SOX5: variants seen among roughly 807,000 people sequenced by gnomAD.
SOX5 encodes SRY-box transcription factor 5.
Under a neutral mutation model 92.0 loss-of-function variants are expected in SOX5, and 9 were observed. That is an observed-to-expected ratio of 0.10 (90% CI 0.06 to 0.17). The LOEUF (loss-of-function observed/expected upper bound fraction) is 0.17. Among genes scored for constraint, SOX5 ranks in the 10% least tolerant of loss-of-function variants. The pLI, the probability that SOX5 is intolerant of heterozygous loss-of-function variation, is 1.00. For synonymous variants in SOX5, 344 were observed against 336.3 expected, an observed-to-expected ratio of 1.02 and a Z score of -0.25; for missense variants, 642 against 944.5, an observed-to-expected ratio of 0.68 and a Z score of 4.20.
chr12:24,300,521 T>C lies in SOX5; in HGVS notation c.-173-23209A>G, dbSNP rs569697841. On this transcript the variant is annotated intron_variant, in intron 2 of 4. Transcript: ENST00000446891. ...ACTAAGCAACATATCCACTGAGCGG[T>C]ATAACAGACCACTGAAATTGTTGTA... is the stretch of plus-strand genomic sequence containing the variant. Among the ~76,000 whole-genome samples the C allele has an allele frequency of 5.9e-5, 9 of 152,320 alleles. No individual in the cohort carries two copies. In the East Asian group the frequency reaches 1.7e-3, roughly 29 times the overall value.
intron 3 of SOX5, 146 bp downstream of exon 3, chr12:23,845,837 A>G: frequency 1.5e-6 from 1 of 653,780 alleles, no homozygotes; most frequent in Admixed American, 2.7e-5. Context: ...TCTGAAAAAA[A>G]TATACCAACC....
chr12:23,886,317 C>A (rs2097064526), intron 2 of SOX5, among the ~76,000 whole-genome samples: 1 of 152,044 alleles, frequency 6.6e-6, no homozygotes. Context: ...TTCTTAAGAT[C>A]CAAATGAAGT....
At chr12:24,115,879 A>C (rs993842172) in intron 4 of SOX5, among the ~76,000 whole-genome samples, 1 of 152,162 alleles carries the variant, frequency 6.6e-6, no homozygotes, top group Non-Finnish European at 1.5e-5. Flanking sequence ...GAGATTGTTA[A>C]TATAAAAGTA....
intron 2 of SOX5, among the ~76,000 whole-genome samples, chr12:23,851,722 C>T (rs188004919): frequency 2.0e-5 from 3 of 151,490 alleles, no homozygotes; most frequent in African/African-American, 2.4e-5. Flanking sequence ...AGTAGTTCAC[C>T]GAGAGAGAGA....
intron 4 of SOX5, among the ~76,000 whole-genome samples, chr12:24,181,364 A>C (rs1309592125): frequency 6.6e-6 from 1 of 152,172 alleles, no homozygotes; most frequent in Non-Finnish European, 1.5e-5. Context: ...ATCCTGCCTC[A>C]ATTTGCATTC....
chr12:23,605,601 C>T (rs1372457275), intron 8 of SOX5, among the ~76,000 whole-genome samples: 1 of 151,610 alleles, frequency 6.6e-6, no homozygotes, highest in Non-Finnish European at 1.5e-5. Context: ...AGAAAAAATG[C>T]TCTCAAGGAG....
chr12:23,915,056 A>G (rs1321713889), intron 1 of SOX5, among the ~76,000 whole-genome samples: 1 of 152,180 alleles, frequency 6.6e-6, no homozygotes, highest in East Asian at 1.9e-4. Context: ...ACTGAGTCTT[A>G]GCTATGTTCT....
intron 2 of SOX5, among the ~76,000 whole-genome samples, chr12:24,357,855 G>A (rs117394530): frequency 0.023 from 2,222 of 98,528 alleles, 79 homozygotes; most frequent in South Asian, 0.091. Flanking sequence ...AAAAAAAAAA[G>A]AAAGAAGAAA....
chr12:23,828,730 G>T (rs1433802816), intron 3 of SOX5, among the ~76,000 whole-genome samples: 1 of 148,192 alleles, frequency 6.7e-6, no homozygotes, highest in African/African-American at 2.5e-5. Flanking sequence ...ATGAATAGAA[G>T]TTGCTTTTCA....
intron 1 of SOX5, among the ~76,000 whole-genome samples, chr12:23,941,687 T>C (rs1298831062): frequency 6.6e-6 from 1 of 151,534 alleles, no homozygotes; most frequent in Non-Finnish European, 1.5e-5. Flanking sequence ...AATCTGAATC[T>C]GATATTTTAT....
At position 23,530,631 on chromosome 12, in the gene SOX5, G is replaced by GGTAA. The variant is rs1357737467; in HGVS notation, c.*3584_*3587dup. ...ATAGTTTTATATTTTATCCAATTGT[G>GGTAA]GTAAGTTAATCACTAACTTATTATT... On this transcript the variant is annotated 3_prime_UTR_variant, in exon 15 of 15. Coordinates refer to ENST00000451604, the MANE Select transcript of SOX5 (RefSeq NM_006940.6). 2 of 152,008 alleles carry GGTAA rather than the reference G, an allele frequency of 1.3e-5. No homozygotes were observed. The highest frequency in any genetic ancestry group is 3.9e-4 in the East Asian group (2 of 5,174). 9.4% of individuals were successfully genotyped at this position (152,008 alleles called of 1,614,324 possible).
Position 23,987,685 on chromosome 12 carries a change from A to T in SOX5, c.-1-91661T>A, listed in dbSNP as rs7485977. 2.0e-5 allele frequency among the ~76,000 whole-genome samples: 3 copies of T among 152,106 alleles called. No homozygotes were observed. In the East Asian group the frequency reaches 5.8e-4, roughly 29 times the overall value. ...CTGTGTGCCTATAGTCCCAGCTACG[A>T]GGGAGGCTTAGGCTTGAGGATCTCT... On this transcript the variant is annotated intron_variant, in intron 4 of 4. Transcript: ENST00000446891.
intron 4 of SOX5, among the ~76,000 whole-genome samples, chr12:23,752,827 C>A (rs567266681): frequency 1.1e-4 from 16 of 152,006 alleles, no homozygotes; most frequent in African/African-American, 3.6e-4. Flanking sequence ...CATATATTGA[C>A]TGTTGTTGGC....
At chr12:23,809,815 TC>T (rs1028403943) in intron 3 of SOX5, among the ~76,000 whole-genome samples, 1 of 149,336 alleles carries the variant, frequency 6.7e-6, no homozygotes, top group African/African-American at 2.5e-5. Context: ...TTTAATAGAC[TC>T]CAATTGATAA....
intron 4 of SOX5, among the ~76,000 whole-genome samples, chr12:24,075,924 G>A (rs938668965): frequency 2.0e-5 from 3 of 152,152 alleles, no homozygotes; most frequent in African/African-American, 7.2e-5. Context: ...AAAGAGAAAT[G>A]GAGTTAGCAA....
intron 1 of SOX5, among the ~76,000 whole-genome samples, chr12:24,492,023 G>A (rs1382355786): frequency 1.3e-5 from 2 of 151,996 alleles, no homozygotes; most frequent in Non-Finnish European, 2.9e-5. Flanking sequence ...GTTAAAGCAA[G>A]AGCTACAAGC....
chr12:23,990,498 T>A (rs1950468238), intron 4 of SOX5, among the ~76,000 whole-genome samples: 1 of 152,188 alleles, frequency 6.6e-6, no homozygotes, highest in African/African-American at 2.4e-5. Flanking sequence ...ATACGCAGGC[T>A]ATTGCTTTTA....
intron 2 of SOX5, among the ~76,000 whole-genome samples, chr12:24,309,378 C>A (rs1948947495): frequency 6.6e-6 from 1 of 152,120 alleles, no homozygotes; most frequent in African/African-American, 2.4e-5. Context: ...ATTATAAACA[C>A]TTTTCACGAA....
chr12:24,301,521 C>T (rs74068490), intron 2 of SOX5, among the ~76,000 whole-genome samples: 27 of 152,028 alleles, frequency 1.8e-4, no homozygotes, highest in Non-Finnish European at 3.5e-4. Flanking sequence ...AAAGAGCAGG[C>T]GCCAAAATGT....
Sources: gnomAD v4.1 joint callset for allele counts (sites outside exome capture counted in the v4.1 genomes callset) on GRCh38, gnomAD v4.1.1 for gene constraint, MANE v1.5 for transcripts, NCBI Gene and HGNC (gene_info 2026-07-23, HGNC 2026-07-21) for gene names.